Variants in INPP5A observed in about 807,000 individuals in gnomAD.
INPP5A encodes inositol polyphosphate-5-phosphatase A.
INPP5A carries 14 observed loss-of-function variants against 65.2 expected under a neutral mutation model. That is an observed-to-expected ratio of 0.21 (90% confidence interval 0.14 to 0.34). The LOEUF (loss-of-function observed/expected upper bound fraction) is 0.34. Ranked by LOEUF, INPP5A falls within the 10% of genes least tolerant of loss-of-function variation. The pLI is 1.00. For synonymous variants in INPP5A, 207 were observed against 208.3 expected (o/e 0.99, Z 0.05); for missense variants, 431 against 545.6 (o/e 0.79, Z 2.09).
intron 9 of INPP5A, among the ~76,000 whole-genome samples, chr10:132,733,880 A>C (rs1394628397): frequency 1.3e-5 from 2 of 152,196 alleles, no homozygotes; most frequent in African/African-American, 4.8e-5. Flanking sequence ...GTTTCCTTCC[A>C]CATGAAGCTT....
chr10:132,735,494 C>T (rs547335243), intron 9 of INPP5A, among the ~76,000 whole-genome samples: 21 of 152,320 alleles, frequency 1.4e-4, no homozygotes, highest in African/African-American at 3.4e-4. Context: ...GGTGTTGGTA[C>T]GAAGGGACAC....
At chr10:132,755,526 G>T (rs944577739) in intron 11 of INPP5A, among the ~76,000 whole-genome samples, 1 of 148,404 alleles carries the variant, frequency 6.7e-6, no homozygotes, top group Non-Finnish European at 1.5e-5. Flanking sequence ...GAGCGAGTGT[G>T]TGAGCAGGCA....
intron 4 of INPP5A, among the ~76,000 whole-genome samples, chr10:132,657,872 G>A (rs979180321): frequency 2.6e-5 from 4 of 152,222 alleles, no homozygotes; most frequent in Non-Finnish European, 5.9e-5. Context: ...GTGAGAGGGG[G>A]CGAGATTGGT....
chr10:132,779,582 G>A (rs967198626), intron 13 of INPP5A, among the ~76,000 whole-genome samples: 1 of 152,220 alleles, frequency 6.6e-6, no homozygotes, highest in Non-Finnish European at 1.5e-5. Context: ...TCTGGATCCG[G>A]GACTTGACAC....
chr10:132,684,257 C>G (rs2073087883), intron 4 of INPP5A, among the ~76,000 whole-genome samples: 1 of 152,170 alleles, frequency 6.6e-6, no homozygotes, highest in Admixed American at 6.5e-5. Flanking sequence ...GCATTTGGGT[C>G]ATTTTCAGTT....
At chr10:132,600,883 C>T (rs890408833) in intron 1 of INPP5A, among the ~76,000 whole-genome samples, 6 of 152,178 alleles carry the variant, frequency 3.9e-5, no homozygotes, top group African/African-American at 1.4e-4. Context: ...GAAAGACTGG[C>T]CCCCATAATT....
intron 5 of INPP5A, 35 bp downstream of exon 5, chr10:132,690,490 C>T (rs376678391): frequency 4.0e-6 from 6 of 1,488,960 alleles, no homozygotes; most frequent in Non-Finnish European, 4.7e-6. Flanking sequence ...GATTTTGTCT[C>T]GGCACTCACC....
In INPP5A at chr10:132,700,067, C is replaced by T. The variant is rs544237793; in HGVS notation, c.474+2148C>T. 1.1e-3 allele frequency among the ~76,000 whole-genome samples: 165 copies of T among 152,234 alleles called. 2 individuals are homozygous for T. The highest frequency in any genetic ancestry group is 3.9e-3 in the African/African-American group (160 of 41,542). ...CTGTGGAGGGCATAGCACGAGGGGCCGCCCCTCCCCCAGGAAGAGCAGCCT... is the reference window on the plus strand; with the variant it reads ...CTGTGGAGGGCATAGCACGAGGGGCTGCCCCTCCCCCAGGAAGAGCAGCCT... On this transcript the variant is annotated intron_variant, in intron 6 of 15. Coordinates refer to ENST00000368594, the MANE Select transcript of INPP5A (RefSeq NM_005539.5).
At chr10:132,658,216 A>G (rs2072685170) in intron 4 of INPP5A, among the ~76,000 whole-genome samples, 1 of 152,230 alleles carries the variant, frequency 6.6e-6, no homozygotes, top group Non-Finnish European at 1.5e-5. Context: ...AATGTGTCAG[A>G]GTCCAGGGTT....
Position 132,777,799 on chromosome 10 carries a change from C to T in INPP5A, c.1089+17C>T. 4.3e-6 allele frequency: 7 copies of T among 1,611,220 alleles called. No homozygotes were observed. Among genetic ancestry groups the T allele is most frequent in the Non-Finnish European group, 5.1e-6 (6 of 1,179,194 alleles). On this transcript the variant is annotated intron_variant, in intron 13 of 15. Transcript: ENST00000368594. Reference sequence around the variant, plus strand: ...GTGCTGCGGGTGAGTGTGTGCTGCCCCAGCCCTGGGCACAGAGGGATGTGG... The same window carrying T: ...GTGCTGCGGGTGAGTGTGTGCTGCCTCAGCCCTGGGCACAGAGGGATGTGG...
At chr10:132,552,335 A>G (rs1034276102) in intron 1 of INPP5A, among the ~76,000 whole-genome samples, 2 of 143,454 alleles carry the variant, frequency 1.4e-5, no homozygotes, top group Non-Finnish European at 3.0e-5. Context: ...TGAGTGGGAT[A>G]GGGAGGGAGG....
At chr10:132,581,590 T>G (rs1165843770) in intron 1 of INPP5A, among the ~76,000 whole-genome samples, 1 of 152,196 alleles carries the variant, frequency 6.6e-6, no homozygotes, top group South Asian at 2.1e-4. Context: ...CTGGCGGGTG[T>G]GCAGTGGGAC....
chr10:132,567,892 A>T (rs910203809), intron 1 of INPP5A, among the ~76,000 whole-genome samples: 1 of 151,730 alleles, frequency 6.6e-6, no homozygotes, highest in Non-Finnish European at 1.5e-5. Flanking sequence ...GCAAAAAATT[A>T]AAAAAAAATA....
In INPP5A at chr10:132,727,053, G is replaced by A. The variant is rs1310615786; in HGVS notation, c.732+148G>A. The A allele has an allele frequency of 3.9e-6, 2 of 511,112 alleles. No homozygotes were observed. The highest frequency in any genetic ancestry group is 6.8e-6 in the Non-Finnish European group (2 of 292,242). 31.7% of individuals were successfully genotyped at this position (511,112 alleles called of 1,614,324 possible). On this transcript the variant is annotated intron_variant, in intron 9 of 15. Coordinates refer to ENST00000368594, the MANE Select transcript of INPP5A (RefSeq NM_005539.5). The surrounding 1 kb of genome is among the most constrained non-coding windows in gnomAD (Gnocchi z 6.5). ...TAAGGCAAAACCTTTCAATGAAGAA[G>A]CATGTTTTGCTGTCGGCAGAGGGAT...
At chr10:132,566,365 A>G (rs2071274871) in intron 1 of INPP5A, among the ~76,000 whole-genome samples, 1 of 152,148 alleles carries the variant, frequency 6.6e-6, no homozygotes, top group African/African-American at 2.4e-5. Context: ...TTCCCTTTCA[A>G]CCAGCCAGCT....
rs1253717419 is a variant in INPP5A, at chr10:132,587,907, G to A, written c.76-20008G>A. Among the ~76,000 whole-genome samples the A allele has an allele frequency of 6.6e-6, 1 of 150,982 alleles. No homozygotes were observed. The highest frequency in any genetic ancestry group is 1.5e-5 in the Non-Finnish European group (1 of 67,844). On this transcript the variant is annotated intron_variant, in intron 1 of 15. Coordinates refer to ENST00000368594, the MANE Select transcript of INPP5A (RefSeq NM_005539.5). The surrounding 1 kb of genome is among the most constrained non-coding windows in gnomAD (Gnocchi z 4.3). ...CACGCCTGTAATCCCAGCTACTTAG[G>A]AGGCTGACACAGGAGAATCACTTGA...
chr10:132,749,946 C>T (rs534094899), intron 11 of INPP5A, 101 bp downstream of exon 11: 46 of 1,007,680 alleles, frequency 4.6e-5, no homozygotes, highest in Non-Finnish European at 6.8e-5. Flanking sequence ...CTGCCTTGTC[C>T]CTGCCACCTC....
chr10:132,727,816 G>A lies in INPP5A; in HGVS notation c.732+911G>A, dbSNP rs535480359. ...GACACGGTAAGTCGGATGGGGACAC[G>A]GTGAGTCAGATGGGGACATGGTGAG... On this transcript the variant is annotated intron_variant, in intron 9 of 15. Transcript: ENST00000368594. This position sits in a 1 kb window ranked among gnomAD's most constrained non-coding sequence, Gnocchi z 6.5. 2.0e-5 allele frequency among the ~76,000 whole-genome samples: 3 copies of A among 152,168 alleles called. No individual in the cohort carries two copies. The highest frequency in any genetic ancestry group is 2.1e-4 in the South Asian group (1 of 4,814).
At chr10:132,756,863 G>A (rs112508868) in intron 11 of INPP5A, among the ~76,000 whole-genome samples, 3,619 of 152,344 alleles carry the variant, frequency 0.024, 128 homozygotes, top group African/African-American at 0.081. Context: ...ACGCAGAGGC[G>A]GCAGAGAGGA....
Sources: allele counts gnomAD v4.1 joint callset (sites outside exome capture counted in the v4.1 genomes callset), GRCh38; gene constraint gnomAD v4.1.1; non-coding constraint Gnocchi (gnomAD v3.1); transcripts MANE v1.5; gene names NCBI Gene and HGNC (gene_info 2026-07-23, HGNC 2026-07-21).